CSMD1: variants seen among roughly 807,000 people sequenced by gnomAD.
CSMD1 encodes the protein CUB and sushi domain-containing protein 1.
A neutral mutation model predicts 417.5 loss-of-function variants in CSMD1; 213 were observed. That is an observed-to-expected ratio of 0.51 (90% CI 0.46 to 0.57). The LOEUF is 0.57. Among genes scored for constraint, CSMD1 ranks in the 20% least tolerant of loss-of-function variants. The probability of loss-of-function intolerance (pLI) is 0.00; values close to 1 mark genes in which losing one functional copy is unlikely to be tolerated. For missense variants in CSMD1, 6,923 were observed against 4,529.7 expected (o/e 1.53, Z -15.17); for synonymous variants, 2,862 against 1,736.8 (o/e 1.65, Z -16.11).
intron 1 of CSMD1, among the ~76,000 whole-genome samples, chr8:4,741,998 C>A (rs1258919229): frequency 8.5e-6 from 1 of 117,724 alleles, no homozygotes; most frequent in Non-Finnish European, 1.8e-5. Context: ...CCACCACACC[C>A]ACTTTTTTTT....
chr8:3,660,295 G>C (rs1449362255), intron 7 of CSMD1, among the ~76,000 whole-genome samples: 2 of 152,016 alleles, frequency 1.3e-5, no homozygotes, highest in Non-Finnish European at 2.9e-5. Flanking sequence ...CCTTATCTGT[G>C]AAGCGGGATG....
intron 5 of CSMD1, among the ~76,000 whole-genome samples, chr8:3,785,515 C>A (rs2623664): frequency 6.6e-6 from 1 of 152,246 alleles, no homozygotes; most frequent in Non-Finnish European, 1.5e-5. Flanking sequence ...GGCAGTCAAA[C>A]ACCTAGGTGT....
chr8:3,053,134 G>C (rs1811979940), intron 49 of CSMD1, among the ~76,000 whole-genome samples: 1 of 152,030 alleles, frequency 6.6e-6, no homozygotes. Context: ...AAAATCTTAA[G>C]TATATTAAAG....
chr8:4,623,578 G>A (rs879933759), intron 2 of CSMD1, among the ~76,000 whole-genome samples: 6 of 151,908 alleles, frequency 3.9e-5, no homozygotes, highest in Non-Finnish European at 8.8e-5. Flanking sequence ...GGGGTGAGGG[G>A]GGAACAAATG....
At chr8:4,636,286 G>C (rs746429732) in intron 2 of CSMD1, among the ~76,000 whole-genome samples, 2 of 152,050 alleles carry the variant, frequency 1.3e-5, no homozygotes, top group Admixed American at 1.3e-4. Flanking sequence ...AGACGTACAG[G>C]TATAATTTTT....
At chr8:3,013,610 G>T (rs894139887) in intron 52 of CSMD1, among the ~76,000 whole-genome samples, 2 of 152,074 alleles carry the variant, frequency 1.3e-5, no homozygotes, top group Non-Finnish European at 2.9e-5. Context: ...AAATTAGCCA[G>T]GTGTGGTGGT....
At position 3,830,281 on chromosome 8, in the gene CSMD1, G is replaced by C. The variant is rs551947437; in HGVS notation, c.819-76239C>G. ...AATCAGCACAGTTAGTCACATTACA[G>C]AGCATCTGGCTCTGGGGCAAACTAA... On this transcript the variant is annotated intron_variant, in intron 5 of 69. Coordinates refer to ENST00000635120, the MANE Select transcript of CSMD1 (RefSeq NM_033225.6). 3.3e-5 allele frequency among the ~76,000 whole-genome samples: 5 copies of C among 152,188 alleles called. No homozygotes were observed. In the South Asian group the frequency reaches 8.3e-4, roughly 25 times the overall value.
chr8:3,188,773 A>T, intron 35 of CSMD1, 114 bp downstream of exon 35: 1 of 929,490 alleles, frequency 1.1e-6, no homozygotes, highest in Non-Finnish European at 1.5e-6. Context: ...AAAAGGAAAA[A>T]AGAGAGAGGG....
Position 4,613,949 on chromosome 8 carries a change from G to C in CSMD1, c.302+23393C>G, listed in dbSNP as rs552986599. ...AGATAGAGAAGTTTTCTTTTGTATTGTGAATTTTTATTGTTAGGAATCTTC... is the reference window on the plus strand; with the variant it reads ...AGATAGAGAAGTTTTCTTTTGTATTCTGAATTTTTATTGTTAGGAATCTTC... On this transcript the variant is annotated intron_variant, in intron 2 of 69. Transcript: ENST00000635120. 7.4e-5 allele frequency among the ~76,000 whole-genome samples: 11 copies of C among 149,364 alleles called. 1 individual carries two copies. The highest frequency in any genetic ancestry group is 2.7e-4 in the African/African-American group (11 of 40,610).
At chr8:3,978,105 T>G (rs1348248479) in intron 5 of CSMD1, among the ~76,000 whole-genome samples, 2 of 152,242 alleles carry the variant, frequency 1.3e-5, no homozygotes, top group Middle Eastern at 3.4e-3. Flanking sequence ...GAAAGTCTCA[T>G]GGGGATAACA....
At chr8:3,829,302 C>T (rs1268030087) in intron 5 of CSMD1, among the ~76,000 whole-genome samples, 10 of 152,138 alleles carry the variant, frequency 6.6e-5, no homozygotes, top group Admixed American at 6.6e-4. Context: ...TCCTGAGCTA[C>T]TTCACTTATT....
Position 3,018,492 on chromosome 8 carries a change from C to T in CSMD1, c.8014G>A (p.Glu2672Lys), listed in dbSNP as rs762951826. Reference protein sequence around the residue: ...CLANGLWSGSETRCLAGHCGS... With the variant: ...CLANGLWSGSKTRCLAGHCGS... ...ATGAATTTACCCAGACATCGAGTTTCGCTGCCGCTCCAGAGCCCATTTGCC... is the reference window on the plus strand; with the variant it reads ...ATGAATTTACCCAGACATCGAGTTTTGCTGCCGCTCCAGAGCCCATTTGCC... The change falls in exon 52 of 70, where the codon GAA becomes AAA. Residue 2672 changes from glutamate (E) to lysine (K), a missense_variant. Transcript: ENST00000635120. 10 of 1,613,122 alleles carry T rather than the reference C, an allele frequency of 6.2e-6. No individual in the cohort carries two copies. The highest frequency in any genetic ancestry group is 2.7e-5 in the African/African-American group (2 of 74,968).
In CSMD1 at chr8:4,685,146, G is replaced by A. The variant is rs552767889; in HGVS notation, c.86-47588C>T. 3.9e-5 allele frequency among the ~76,000 whole-genome samples: 6 copies of A among 152,324 alleles called. No homozygotes were observed. In the East Asian group the frequency reaches 9.6e-4, roughly 24 times the overall value. Reference sequence around the variant, plus strand: ...CATAAAGGCAATGGAAATAATCATTGTATGTTGTAAACAAACATAATGGAC... The same window carrying A: ...CATAAAGGCAATGGAAATAATCATTATATGTTGTAAACAAACATAATGGAC... On this transcript the variant is annotated intron_variant, in intron 1 of 69. Coordinates refer to ENST00000635120, the MANE Select transcript of CSMD1 (RefSeq NM_033225.6).
intron 50 of CSMD1, among the ~76,000 whole-genome samples, chr8:3,037,155 C>A (rs936322048): frequency 1.3e-5 from 2 of 152,150 alleles, no homozygotes; most frequent in Non-Finnish European, 2.9e-5. Flanking sequence ...GACATTATTT[C>A]ATTCCTTTTT....
At position 4,648,173 on chromosome 8, in the gene CSMD1, T is replaced by C. The variant is rs538260951; in HGVS notation, c.86-10615A>G. Among the ~76,000 whole-genome samples, 51 of 152,366 alleles carry C rather than the reference T, an allele frequency of 3.3e-4. No homozygotes were observed. In the South Asian group the frequency reaches 0.01, roughly 31 times the overall value. On this transcript the variant is annotated intron_variant, in intron 1 of 69. Coordinates refer to ENST00000635120, the MANE Select transcript of CSMD1 (RefSeq NM_033225.6). ...GCGTTTCTCTGATTATCAGTGATGT[T>C]GAGCTTTCTTTCTTATGTTTGTTGG...
In CSMD1 at chr8:2,936,340, A is replaced by G. The variant is rs1801462004; in HGVS notation, c.*2245T>C. The G allele has an allele frequency of 6.6e-6, 1 of 151,072 alleles. No homozygotes were observed. The allele number at this position is 151,072 out of a possible 1,614,324, so 9.4% of individuals were successfully genotyped here. A position where few individuals can be genotyped will look rare whatever the true frequency, so the allele number is the denominator to read the frequency against. ...ACTCTGAAGTCAGCATTTTGCACCT[A>G]GTTTGAATGACTCAAACTTAGATAT... On this transcript the variant is annotated 3_prime_UTR_variant, in exon 70 of 70. Coordinates refer to ENST00000635120, the MANE Select transcript of CSMD1 (RefSeq NM_033225.6).
At chr8:4,452,060 G>A (rs905276665) in intron 2 of CSMD1, among the ~76,000 whole-genome samples, 1 of 151,938 alleles carries the variant, frequency 6.6e-6, no homozygotes, top group Non-Finnish European at 1.5e-5. Flanking sequence ...AGGAAGATTA[G>A]GGGCCAGAAT....
At chr8:4,040,642 G>A (rs968006472) in intron 3 of CSMD1, among the ~76,000 whole-genome samples, 3 of 152,034 alleles carry the variant, frequency 2.0e-5, no homozygotes, top group South Asian at 4.1e-4. Context: ...TAGAATGGAG[G>A]GCACAACCAT....
intron 5 of CSMD1, among the ~76,000 whole-genome samples, chr8:3,766,964 C>T (rs892535389): frequency 6.6e-6 from 1 of 152,156 alleles, no homozygotes; most frequent in Admixed American, 6.5e-5. Flanking sequence ...ACGGCTAATG[C>T]AATCATATGG....
Sources: gnomAD v4.1 joint callset for allele counts (sites outside exome capture counted in the v4.1 genomes callset) on GRCh38, gnomAD v4.1.1 for gene constraint, MANE v1.5 for transcripts, NCBI Gene and HGNC (gene_info 2026-07-23, HGNC 2026-07-21) for gene names.